Variants in DLG2 observed in about 807,000 individuals in gnomAD.
The protein encoded by DLG2 is disks large homolog 2.
A neutral mutation model predicts 132.5 loss-of-function variants in DLG2; 45 were observed. The observed-to-expected ratio is 0.34, with a 90% CI of 0.27 to 0.44. DLG2 has a LOEUF of 0.44. DLG2 is among the 20% of genes least tolerant of loss of function. The pLI is 1.00. For missense variants in DLG2, 1,045 were observed against 1,196.9 expected (o/e 0.87, Z 1.87); for synonymous variants, 424 against 419.6 (o/e 1.01, Z -0.13).
intron 9 of DLG2, among the ~76,000 whole-genome samples, chr11:84,119,713 T>TA (rs1272118960): frequency 6.6e-6 from 1 of 152,130 alleles, no homozygotes; most frequent in Non-Finnish European, 1.5e-5. Context: ...AACAAACCTC[T>TA]AAGAATTTCA....
intron 17 of DLG2, among the ~76,000 whole-genome samples, chr11:83,821,785 A>G (rs1325142312): frequency 6.6e-6 from 1 of 151,914 alleles, no homozygotes; most frequent in African/African-American, 2.4e-5. Context: ...TCCACTTAAT[A>G]TACATGTATA....
intron 14 of DLG2, among the ~76,000 whole-genome samples, chr11:83,945,543 C>G (rs1288177957): frequency 6.6e-6 from 1 of 152,078 alleles, no homozygotes; most frequent in African/African-American, 2.4e-5. Context: ...CAAGATAGAG[C>G]CTATTATTAT....
intron 21 of DLG2, among the ~76,000 whole-genome samples, chr11:83,485,494 A>G (rs1285965103): frequency 2.0e-5 from 3 of 152,166 alleles, no homozygotes; most frequent in African/African-American, 7.2e-5. Context: ...TGCTGAAAAA[A>G]TTAAAATCAC....
chr11:84,010,391 C>T (rs2094821799), intron 11 of DLG2, among the ~76,000 whole-genome samples: 1 of 151,944 alleles, frequency 6.6e-6, no homozygotes, highest in African/African-American at 2.4e-5. Context: ...CTTCTGAGCT[C>T]AAGCAATCTT....
intron 18 of DLG2, among the ~76,000 whole-genome samples, chr11:83,747,087 T>C (rs905547938): frequency 1.3e-5 from 2 of 152,048 alleles, no homozygotes; most frequent in Non-Finnish European, 2.9e-5. Context: ...ATTATACAAA[T>C]GAGGAGAAGT....
At chr11:83,945,381 G>A (rs2083590379) in intron 14 of DLG2, among the ~76,000 whole-genome samples, 1 of 152,096 alleles carries the variant, frequency 6.6e-6, no homozygotes, top group Admixed American at 6.6e-5. Context: ...CAGATAACCA[G>A]ACCTTTATAT....
At chr11:85,577,832 T>C (rs537086012) in intron 3 of DLG2, among the ~76,000 whole-genome samples, 4 of 152,258 alleles carry the variant, frequency 2.6e-5, no homozygotes, top group African/African-American at 9.6e-5. Context: ...AACTTATACA[T>C]TCAATGGTAT....
chr11:84,893,794 A>G (rs954847628), intron 6 of DLG2, among the ~76,000 whole-genome samples: 2 of 152,152 alleles, frequency 1.3e-5, no homozygotes, highest in African/African-American at 4.8e-5. Flanking sequence ...AGATGCTATT[A>G]TTATTAATAT....
intron 7 of DLG2, among the ~76,000 whole-genome samples, chr11:84,370,127 A>G (rs888480651): frequency 6.6e-6 from 1 of 152,114 alleles, no homozygotes; most frequent in African/African-American, 2.4e-5. Flanking sequence ...TTTCTTGGCA[A>G]TTATGCACTT....
At position 85,092,665 on chromosome 11, in the gene DLG2, CAG is replaced by C. The variant is rs1268793009; in HGVS notation, c.357+18994_357+18995del. On this transcript the variant is annotated intron_variant, in intron 6 of 27. Coordinates refer to ENST00000376104, the MANE Select transcript of DLG2 (RefSeq NM_001142699.3). ...TGACTTTTTTTTTTTTTTTTTCAGACAGAGTTTCACTCTGTTGCCCAGGCTGG... is the reference window on the plus strand; with the variant it reads ...TGACTTTTTTTTTTTTTTTTTCAGACAGTTTCACTCTGTTGCCCAGGCTGG... Among the ~76,000 whole-genome samples, 22 of 141,924 alleles carry C rather than the reference CAG, an allele frequency of 1.6e-4. No individual in the cohort carries two copies. In the East Asian group the frequency reaches 3.8e-3, roughly 24 times the overall value. 93.1% of individuals were successfully genotyped at this position (141,924 alleles called of 152,430 possible). A position where few individuals can be genotyped will look rare whatever the true frequency, so the allele number is the denominator to read the frequency against.
Position 83,963,089 on chromosome 11 carries a change from C to T in DLG2, c.1202-66G>A, listed in dbSNP as rs2089271401. Reference sequence around the variant, plus strand: ...GGGTGATTCAATGTGTCATGCTATACTTCAGAAAAATGTATTAAAAACAGA... The same window carrying T: ...GGGTGATTCAATGTGTCATGCTATATTTCAGAAAAATGTATTAAAAACAGA... On this transcript the variant is annotated intron_variant, in intron 13 of 27. Transcript: ENST00000376104. 7 of 1,532,862 alleles carry T rather than the reference C, an allele frequency of 4.6e-6. No individual in the cohort carries two copies. The South Asian group carries it at 5.8e-5, about 13-fold the overall frequency. 95.0% of individuals were successfully genotyped at this position (1,532,862 alleles called of 1,614,324 possible). A position where few individuals can be genotyped will look rare whatever the true frequency, so the allele number is the denominator to read the frequency against.
At chr11:83,822,162 T>C (rs2051017331) in intron 17 of DLG2, among the ~76,000 whole-genome samples, 2 of 152,268 alleles carry the variant, frequency 1.3e-5, no homozygotes, top group Non-Finnish European at 2.9e-5. Context: ...ATCTCAGAAC[T>C]TTGACCTGCA....
chr11:85,355,516 G>A (rs148435559), intron 3 of DLG2, among the ~76,000 whole-genome samples: 3 of 152,084 alleles, frequency 2.0e-5, no homozygotes, highest in African/African-American at 4.8e-5. Flanking sequence ...GAAATAAATG[G>A]TCTAATCAAC....
chr11:83,648,645 A>C (rs1003250672), intron 18 of DLG2, among the ~76,000 whole-genome samples: 3 of 152,192 alleles, frequency 2.0e-5, no homozygotes, highest in African/African-American at 7.2e-5. Flanking sequence ...AGAGCTTTAA[A>C]AAGTACAAAA....
intron 3 of DLG2, among the ~76,000 whole-genome samples, chr11:85,349,100 T>G (rs1022893911): frequency 4.6e-5 from 7 of 152,192 alleles, no homozygotes. Context: ...TTTATAGCTT[T>G]CTTTCTTTGG....
At chr11:85,612,242 C>T (rs911579208) in intron 2 of DLG2, among the ~76,000 whole-genome samples, 1 of 152,210 alleles carries the variant, frequency 6.6e-6, no homozygotes, top group Non-Finnish European at 1.5e-5. Context: ...CACTGACAAC[C>T]CATAGCCTTC....
Position 84,250,965 on chromosome 11 carries a change from A to C in DLG2, c.573+273T>G, listed in dbSNP as rs2097364521. 2.0e-5 allele frequency among the ~76,000 whole-genome samples: 3 copies of C among 152,234 alleles called. 1 individual carries two copies. The South Asian group carries it at 6.2e-4, about 31-fold the overall frequency. ...TCTATGAGCAATTCAGTCTCTTTTCAGTGAGCCACTTAGCAAACTAACACT... is the reference window on the plus strand; with the variant it reads ...TCTATGAGCAATTCAGTCTCTTTTCCGTGAGCCACTTAGCAAACTAACACT... On this transcript the variant is annotated intron_variant, in intron 8 of 27. Coordinates refer to ENST00000376104, the MANE Select transcript of DLG2 (RefSeq NM_001142699.3).
intron 6 of DLG2, among the ~76,000 whole-genome samples, chr11:84,988,646 G>A (rs540246298): frequency 6.6e-5 from 10 of 152,152 alleles, no homozygotes; most frequent in Admixed American, 2.0e-4. Flanking sequence ...TCGTATGCTC[G>A]CTCATAAGTG....
chr11:84,720,228 A>G (rs914883500), intron 6 of DLG2: 23 of 971,886 alleles, frequency 2.4e-5, no homozygotes, highest in Non-Finnish European at 2.8e-5. Context: ...ATAAACAAGC[A>G]ACAGAAGGAA....
Sources: allele counts gnomAD v4.1 joint callset (sites outside exome capture counted in the v4.1 genomes callset), GRCh38; gene constraint gnomAD v4.1.1; transcripts MANE v1.5; gene names NCBI Gene and HGNC (gene_info 2026-07-23, HGNC 2026-07-21).